Variants in PGAP1 observed in about 807,000 individuals in gnomAD.
PGAP1 encodes post-GPI attachment to proteins inositol deacylase 1, also known as GPI inositol-deacylase.
Under a neutral mutation model 127.0 loss-of-function variants are expected in PGAP1, and 76 were observed. The observed-to-expected ratio is 0.60, with a 90% CI of 0.50 to 0.72. The LOEUF is 0.72. PGAP1 is among the 30% of genes least tolerant of loss of function. The pLI is 0.00. For synonymous variants in PGAP1, 362 were observed against 366.5 expected (o/e 0.99, Z 0.14); for missense variants, 982 against 1,071.3 (o/e 0.92, Z 1.16).
rs1348631180 is a variant in PGAP1, at chr2:196,833,377, C to T, written c.*7857G>A. 2 of 152,244 alleles carry T rather than the reference C, an allele frequency of 1.3e-5. No homozygotes were observed. Among genetic ancestry groups the T allele is most frequent in the East Asian group, 1.9e-4 (1 of 5,188 alleles). 9.4% of individuals were successfully genotyped at this position (152,244 alleles called of 1,614,324 possible). A position where few individuals can be genotyped will look rare whatever the true frequency, so the allele number is the denominator to read the frequency against. On this transcript the variant is annotated 3_prime_UTR_variant, in exon 27 of 27. Coordinates refer to ENST00000354764, the MANE Select transcript of PGAP1 (RefSeq NM_024989.4). ...GACAATCATTTTTTATTATATACTA[C>T]AGGACAGGTTCCTCTGCACTTGTTA... is the stretch of plus-strand genomic sequence containing the variant.
At position 196,892,407 on chromosome 2, in the gene PGAP1, G is replaced by A. The variant is rs1262934074; in HGVS notation, c.1034-6C>T. On this transcript the variant is annotated splice_polypyrimidine_tract_variant and splice_region_variant and intron_variant, in intron 8 of 26. Coordinates refer to ENST00000354764, the MANE Select transcript of PGAP1 (RefSeq NM_024989.4). ...TAGAACCCACATAGATGTCCCTGAA[G>A]GTAAAGGAAATTAATTTATTTGCCT... The A allele has an allele frequency of 8.1e-6, 11 of 1,357,182 alleles. No homozygotes were observed. Among genetic ancestry groups the A allele is most frequent in the Non-Finnish European group, 1.1e-5 (11 of 977,262 alleles). The allele number at this position is 1,357,182 out of a possible 1,614,324, so 84.1% of individuals were successfully genotyped here.
intron 20 of PGAP1, among the ~76,000 whole-genome samples, chr2:196,853,378 A>C (rs1027211305): frequency 6.6e-6 from 1 of 152,238 alleles, no homozygotes; most frequent in African/African-American, 2.4e-5. Flanking sequence ...ATACATCTCA[A>C]TTGTTCCATG....
intron 14 of PGAP1, among the ~76,000 whole-genome samples, chr2:196,875,105 T>C (rs1345102085): frequency 6.6e-6 from 1 of 152,142 alleles, no homozygotes; most frequent in African/African-American, 2.4e-5. Flanking sequence ...GTTTCAAAGT[T>C]GTGAAAGACA....
At chr2:196,871,016 T>G (rs931926653) in intron 18 of PGAP1, 37 bp from the exon 19 acceptor site, 7 of 1,398,588 alleles carry the variant, frequency 5.0e-6, no homozygotes, top group Admixed American at 3.4e-5. Flanking sequence ...AAGGTTATTT[T>G]CCTCTAAACT....
At chr2:196,921,823 AAG>A (rs1703202958) in intron 1 of PGAP1, among the ~76,000 whole-genome samples, 1 of 152,160 alleles carries the variant, frequency 6.6e-6, no homozygotes, top group Non-Finnish European at 1.5e-5. Flanking sequence ...ACAAAAAAAT[AAG>A]AGAGGAGGCA....
At chr2:196,897,225 A>G (rs1702310424) in intron 6 of PGAP1, 28 bp from the exon 7 acceptor site, 3 of 1,392,032 alleles carry the variant, frequency 2.2e-6, no homozygotes, top group Non-Finnish European at 3.0e-6. Context: ...TGTTACAAAT[A>G]AAACTTTCTT....
chr2:196,875,763 GT>G lies in PGAP1; in HGVS notation c.1408del (p.Thr470LeufsTer15). ...KEKRYIQLPVTHLFSFGLSSR... is the reference protein window; with the variant it reads ...KEKRYIQLPVXHLFSFGLSSR... ...GTACTTACCAAAGGAAAAAAGATGA[GT>G]TACAGGAAGCTGTATGTATCTTTTC... On this transcript the variant is annotated frameshift_variant, in exon 14 of 27. Transcript: ENST00000354764. LOFTEE classifies it high-confidence loss of function. The G allele has an allele frequency of 6.5e-7, 1 of 1,540,944 alleles. No homozygotes were observed. Among genetic ancestry groups the G allele is most frequent in the Non-Finnish European group, 8.9e-7 (1 of 1,118,236 alleles).
intron 7 of PGAP1, among the ~76,000 whole-genome samples, chr2:196,894,567 C>T (rs1702211822): frequency 6.6e-6 from 1 of 152,124 alleles, no homozygotes. Context: ...CTTTGGGAGG[C>T]CAAGACGGGT....
At chr2:196,904,943 G>T (rs1354585242) in intron 4 of PGAP1, among the ~76,000 whole-genome samples, 1 of 152,048 alleles carries the variant, frequency 6.6e-6, no homozygotes, top group Non-Finnish European at 1.5e-5. Context: ...TATAAACAGG[G>T]AATCTACTTC....
rs1254864012 is a variant in PGAP1 at position 196,835,227 on chromosome 2, C to G, written c.*6007G>C. On this transcript the variant is annotated 3_prime_UTR_variant, in exon 27 of 27. Coordinates refer to ENST00000354764, the MANE Select transcript of PGAP1 (RefSeq NM_024989.4). ...TTTTATAATATTTTCCTTTAAGATA[C>G]GCATATTAAAAGGTTGTACTATGTT... 1 of 151,822 alleles carries G rather than the reference C, an allele frequency of 6.6e-6. No individual in the cohort carries two copies. The highest frequency in any genetic ancestry group is 2.4e-5 in the African/African-American group (1 of 41,338). 9.4% of individuals were successfully genotyped at this position (151,822 alleles called of 1,614,324 possible). A position where few individuals can be genotyped will look rare whatever the true frequency, so the allele number is the denominator to read the frequency against.
chr2:196,898,397 C>T lies in PGAP1; in HGVS notation c.808-28G>A, dbSNP rs113115196. On this transcript the variant is annotated intron_variant, in intron 5 of 26. Coordinates refer to ENST00000354764, the MANE Select transcript of PGAP1 (RefSeq NM_024989.4). The stretch of plus-strand genomic sequence containing the variant: ...AAAAGAAAAGAAAAAAATAAACTTA[C>T]GAAAAGCACATTTGTTATTCTCTAA... The T allele has an allele frequency of 7.0e-4, 1,077 of 1,527,712 alleles. 1 individual carries two copies. The African/African-American group carries it at 9.2e-3, about 13-fold the overall frequency. The allele number at this position is 1,527,712 out of a possible 1,614,324, so 94.6% of individuals were successfully genotyped here. A position where few individuals can be genotyped will look rare whatever the true frequency, so the allele number is the denominator to read the frequency against.
intron 1 of PGAP1, chr2:196,922,507 C>G (rs1262631977): frequency 1.0e-6 from 1 of 978,930 alleles, no homozygotes; most frequent in East Asian, 1.2e-4. Flanking sequence ...ATTTTTCAGA[C>G]TTGTCTCTAT....
chr2:196,926,449 G>C (rs369834863), intron 1 of PGAP1, 21 bp downstream of exon 1: 64 of 1,613,706 alleles, frequency 4.0e-5, no homozygotes, highest in African/African-American at 5.3e-5. Context: ...GCGCCCGGCT[G>C]AGGAGAGGGC....
chr2:196,870,855 C>A, intron 19 of PGAP1, 86 bp downstream of exon 19: 10 of 1,129,034 alleles, frequency 8.9e-6, no homozygotes, highest in Non-Finnish European at 1.3e-5. Flanking sequence ...ATTATCCAGC[C>A]CCTTATGGAA....
At chr2:196,917,296 T>C (rs1465655506) in intron 2 of PGAP1, among the ~76,000 whole-genome samples, 2 of 152,218 alleles carry the variant, frequency 1.3e-5, no homozygotes, top group Non-Finnish European at 2.9e-5. Flanking sequence ...AAATACCTGT[T>C]TGCCATTTCA....
Position 196,833,252 on chromosome 2 carries a change from TA to T in PGAP1, c.*7981del, listed in dbSNP as rs1177260057. ...ATGTAATAATTTTAATTATACCATATAAAAATACACACAAAATTACACATAA... is the reference window on the plus strand; with the variant it reads ...ATGTAATAATTTTAATTATACCATATAAAATACACACAAAATTACACATAA... On this transcript the variant is annotated 3_prime_UTR_variant, in exon 27 of 27. Transcript: ENST00000354764. The T allele has an allele frequency of 5.3e-5, 8 of 152,260 alleles. No homozygotes were observed. Among genetic ancestry groups the T allele is most frequent in the African/African-American group, 1.9e-4 (8 of 41,448 alleles). The allele number at this position is 152,260 out of a possible 1,614,324, so 9.4% of individuals were successfully genotyped here. A position where few individuals can be genotyped will look rare whatever the true frequency, so the allele number is the denominator to read the frequency against.
At chr2:196,901,428 A>G (rs1422449523) in intron 5 of PGAP1, among the ~76,000 whole-genome samples, 1 of 152,216 alleles carries the variant, frequency 6.6e-6, no homozygotes. Flanking sequence ...GGTGAGATGA[A>G]AAAAGGAGTA....
chr2:196,926,338 A>T, intron 1 of PGAP1, 132 bp downstream of exon 1: 2 of 1,381,526 alleles, frequency 1.4e-6, no homozygotes, highest in Non-Finnish European at 2.0e-6. Context: ...CCGGGCGGAG[A>T]AAACAGAGGC....
At position 196,845,871 on chromosome 2, in the gene PGAP1, A is replaced by G. The variant is rs780499357; in HGVS notation, c.2286+11T>C. 1.4e-5 allele frequency: 22 copies of G among 1,588,460 alleles called. No individual in the cohort carries two copies. The highest frequency in any genetic ancestry group is 1.8e-5 in the Non-Finnish European group (21 of 1,165,884). On this transcript the variant is annotated intron_variant, in intron 23 of 26. Coordinates refer to ENST00000354764, the MANE Select transcript of PGAP1 (RefSeq NM_024989.4). ...AAGCTCAATCATTTTGGCTTTACTG[A>G]TTTGACATACCTTAAACACATAGTA...
Sources: allele counts gnomAD v4.1 joint callset (sites outside exome capture counted in the v4.1 genomes callset), GRCh38; gene constraint gnomAD v4.1.1; transcripts MANE v1.5; gene names NCBI Gene and HGNC (gene_info 2026-07-23, HGNC 2026-07-21).